The following ORC3 variants were observed in gnomAD, a reference collection of about 807,000 sequenced individuals.
ORC3 encodes the protein homolog of latheo, Drosophila.
Under a neutral mutation model 100.7 loss-of-function variants are expected in ORC3, and 78 were observed. The ratio of observed to expected loss-of-function variants is 0.77; its 90% CI spans 0.65 to 0.94. ORC3 has a LOEUF of 0.94. Among genes scored for constraint, ORC3 ranks in the 40% least tolerant of loss-of-function variants. The probability of loss-of-function intolerance (pLI) is 0.00; values close to 1 mark genes in which losing one functional copy is unlikely to be tolerated. For missense variants in ORC3, 789 were observed against 823.9 expected (o/e 0.96, Z 0.52); for synonymous variants, 295 against 289.3 (o/e 1.02, Z -0.20).
At chr6:87,616,979 G>T (rs1268299349) in intron 9 of ORC3, among the ~76,000 whole-genome samples, 1 of 152,030 alleles carries the variant, frequency 6.6e-6, no homozygotes, top group Non-Finnish European at 1.5e-5. Flanking sequence ...TGTATATTTA[G>T]TAGAAACAGG....
chr6:87,627,552 T>C (rs1371510617), intron 11 of ORC3, among the ~76,000 whole-genome samples: 1 of 146,892 alleles, frequency 6.8e-6, no homozygotes, highest in African/African-American at 2.5e-5. Context: ...CGCCTAGGCC[T>C]CCCAAAGTGC....
downstream of ORC3, among the ~76,000 whole-genome samples, chr6:87,669,237 A>C (rs1208858969): frequency 6.6e-6 from 1 of 152,234 alleles, no homozygotes; most frequent in Admixed American, 6.5e-5. Context: ...AGGAAGGGGA[A>C]ACCCCAAGGT....
chr6:87,594,212 T>G, intron 1 of ORC3, 141 bp from the exon 2 acceptor site: 1 of 565,766 alleles, frequency 1.8e-6, no homozygotes, highest in Admixed American at 2.6e-5. Flanking sequence ...AGTGATGTGA[T>G]TTCTTAGAAC....
At chr6:87,603,294 A>G (rs780620443) in intron 3 of ORC3, 90 bp from the exon 4 acceptor site, 16 of 658,364 alleles carry the variant, frequency 2.4e-5, no homozygotes, top group Non-Finnish European at 3.3e-5. Flanking sequence ...ATTTTACATC[A>G]TTGAATCCAT....
chr6:87,652,418 T>TTTC (rs1368668778), intron 13 of ORC3, among the ~76,000 whole-genome samples: 1 of 152,182 alleles, frequency 6.6e-6, no homozygotes, highest in Non-Finnish European at 1.5e-5. Flanking sequence ...CTAACAAAGA[T>TTTC]TTCTTCTATA....
At chr6:87,620,775 G>A (rs535653191) in intron 9 of ORC3, among the ~76,000 whole-genome samples, 79 of 152,106 alleles carry the variant, frequency 5.2e-4, no homozygotes, top group Non-Finnish European at 9.0e-4. Context: ...TTAGAATCTG[G>A]AAAATTGTCT....
intron 11 of ORC3, among the ~76,000 whole-genome samples, chr6:87,631,502 T>A (rs995913831): frequency 3.3e-5 from 5 of 151,708 alleles, no homozygotes; most frequent in African/African-American, 4.8e-5. Context: ...AAATGGAAAA[T>A]TTTTTTTTGA....
At position 87,610,848 on chromosome 6, in the gene ORC3, C is replaced by T. The variant is rs534607704; in HGVS notation, c.714-1241C>T. On this transcript the variant is annotated intron_variant, in intron 7 of 19. Transcript: ENST00000392844. ...GATTACAGGCGTGAGCCACCGCGCC[C>T]GGCCTACTAATATACTTTAAATTTC... Among the ~76,000 whole-genome samples, 272 of 134,276 alleles carry T rather than the reference C, an allele frequency of 2.0e-3. 13 individuals carry two copies. Among genetic ancestry groups the T allele is most frequent in the Non-Finnish European group, 3.2e-3 (198 of 62,104 alleles). 88.1% of individuals were successfully genotyped at this position (134,276 alleles called of 152,430 possible).
At chr6:87,642,243 GA>G (rs1177772295) in intron 13 of ORC3, among the ~76,000 whole-genome samples, 4 of 152,134 alleles carry the variant, frequency 2.6e-5, no homozygotes, top group Non-Finnish European at 5.9e-5. Flanking sequence ...CGTGAGCTGT[GA>G]TTGTACCACT....
Position 87,663,118 on chromosome 6 carries a change from C to G in ORC3, c.1807C>G (p.Leu603Val). ...AAPRIALHTA[L>V]NNPYYYLKNE... ...TCCGCGAATTGCCCTCCATACTGCA[C>G]TCAACAATCCTTACTATTATCTCAA... The change falls in exon 17 of 20, where the codon CTC (leucine) becomes GTC (valine). Residue 603 changes from leucine to valine, a missense_variant. Physicochemically the swap from Leu to Val is conservative, Grantham distance 32 (BLOSUM62 1). Around this residue, in one of 3 missense-constraint regions of ORC3, gnomAD observed 366 missense variants for 394.2 expected, o/e 0.93. Transcript: ENST00000392844. The G allele has an allele frequency of 6.2e-7, 1 of 1,612,176 alleles. No homozygotes were observed. The highest frequency in any genetic ancestry group is 1.1e-5 in the South Asian group (1 of 90,916).
Position 87,646,483 on chromosome 6 carries a change from A to G in ORC3, c.1383-6633A>G, listed in dbSNP as rs367687265. On this transcript the variant is annotated intron_variant, in intron 13 of 19. Transcript: ENST00000392844. The stretch of plus-strand genomic sequence containing the variant: ...ACAAAATGTTAGTTGGAATGTACCA[A>G]AATTGGAAAGCATTGTCTCACTGTC... 4.9e-4 allele frequency among the ~76,000 whole-genome samples: 74 copies of G among 152,286 alleles called. 1 individual carries two copies. Among genetic ancestry groups the G allele is most frequent in the Middle Eastern group, 3.4e-3 (1 of 294 alleles).
chr6:87,608,951 TG>T, intron 6 of ORC3, 144 bp from the exon 7 acceptor site: 3 of 524,592 alleles, frequency 5.7e-6, no homozygotes, highest in Non-Finnish European at 9.3e-6. Context: ...TCTAGTAACC[TG>T]AGTTTCTATT....
chr6:87,653,776 A>G (rs1158123990), intron 14 of ORC3, among the ~76,000 whole-genome samples: 1 of 152,222 alleles, frequency 6.6e-6, no homozygotes, highest in Admixed American at 6.5e-5. Context: ...GGAATCTTTC[A>G]GTCCTAAATT....
At chr6:87,616,802 T>C (rs1441838838) in intron 9 of ORC3, among the ~76,000 whole-genome samples, 1 of 151,922 alleles carries the variant, frequency 6.6e-6, no homozygotes, top group East Asian at 1.9e-4. Context: ...TAAACATTTT[T>C]AGCTTTTTTT....
At chr6:87,621,233 A>G (rs1779507079) in intron 9 of ORC3, 121 bp from the exon 10 acceptor site, 3 of 576,984 alleles carry the variant, frequency 5.2e-6, no homozygotes, top group Non-Finnish European at 8.5e-6. Flanking sequence ...ACATTATTAA[A>G]TATATTAGTG....
rs1228833700 is a variant in ORC3 at position 87,612,165 on chromosome 6, C to G, written c.790C>G (p.Pro264Ala). The change falls in exon 8 of 20, where the codon CCT (proline) becomes GCT (alanine). Residue 264 changes from proline to alanine, a missense_variant. Pro to Ala is a conservative substitution (Grantham distance 27). Transcript: ENST00000392844. The stretch of plus-strand genomic sequence containing the variant: ...TCCTATTATCATCCACCGATTGCTT[C>G]CTCATGCAGTATCATCTCTATTGTG... ...TSPIIIHRLL[P>A]HAVSSLLCIE... is the part of the protein sequence containing the mutation. The G allele has an allele frequency of 1.4e-5, 23 of 1,613,448 alleles. No homozygotes were observed. The highest frequency in any genetic ancestry group is 3.4e-6 in the Non-Finnish European group (4 of 1,179,666).
chr6:87,630,165 C>T (rs1450975562), intron 11 of ORC3, among the ~76,000 whole-genome samples: 1 of 152,112 alleles, frequency 6.6e-6, no homozygotes, highest in Non-Finnish European at 1.5e-5. Context: ...CACAGTGGCT[C>T]ACACCTGTAA....
chr6:87,620,115 T>TA lies in ORC3; in HGVS notation c.988-1237dup, dbSNP rs1779431587. On this transcript the variant is annotated intron_variant, in intron 9 of 19. Transcript: ENST00000392844. Reference sequence around the variant, plus strand: ...ACACTTGAACAAAATAGTTAAGTGATAATGGGTTCATATCCTATTTGTAGC... The same window carrying TA: ...ACACTTGAACAAAATAGTTAAGTGATAAATGGGTTCATATCCTATTTGTAGC... Among the ~76,000 whole-genome samples the TA allele has an allele frequency of 2.0e-5, 3 of 152,356 alleles. No homozygotes were observed. The South Asian group carries it at 6.2e-4, about 32-fold the overall frequency.
chr6:87,612,237 G>A lies in ORC3; in HGVS notation c.862G>A (p.Val288Ile), dbSNP rs958838465. 2 of 1,601,594 alleles carry A rather than the reference G, an allele frequency of 1.2e-6. No individual in the cohort carries two copies. The highest frequency in any genetic ancestry group is 1.3e-5 in the African/African-American group (1 of 74,376). ...GTCTTGTAAGGAGCACCTGACTACG[G>A]TACTCGATAAGGTAAAAAGAATAAG... ...SLSCKEHLTT[V>I]LDKLLLTTQF... is the part of the protein sequence containing the mutation. Residue 288 changes from valine to isoleucine, a missense_variant, in exon 8 of 20, where the codon GTA becomes ATA. By Grantham distance (29) the Val-to-Ile change is conservative. Transcript: ENST00000392844.
Sources: gnomAD v4.1 joint callset for allele counts (sites outside exome capture counted in the v4.1 genomes callset) on GRCh38, gnomAD v4.1.1 for gene constraint, gnomAD v4.1.1 regional missense constraint, MANE v1.5 for transcripts, NCBI Gene and HGNC (gene_info 2026-07-23, HGNC 2026-07-21) for gene names.